SLC35A1: variants seen among roughly 807,000 people sequenced by gnomAD.
SLC35A1 encodes solute carrier family 35 member A1, also known as CMP-sialic acid transporter.
SLC35A1 carries 21 observed loss-of-function variants against 40.3 expected under a neutral mutation model. That is an observed-to-expected ratio of 0.52 (90% confidence interval 0.37 to 0.75). The LOEUF is 0.75. Ranked by LOEUF, SLC35A1 falls within the 30% of genes least tolerant of loss-of-function variation. The probability of loss-of-function intolerance (pLI) is 0.00; values close to 1 mark genes in which losing one functional copy is unlikely to be tolerated. For missense variants in SLC35A1, 297 were observed against 382.1 expected (o/e 0.78, Z 1.86); for synonymous variants, 146 against 147.3 (o/e 0.99, Z 0.06).
At chr6:87,495,716 T>C (rs1219111550) in intron 2 of SLC35A1, among the ~76,000 whole-genome samples, 1 of 151,484 alleles carries the variant, frequency 6.6e-6, no homozygotes, top group East Asian at 1.9e-4. Context: ...AGTGCAGTGG[T>C]GCGATCTTGG....
chr6:87,478,424 T>C (rs1296699406), intron 2 of SLC35A1, among the ~76,000 whole-genome samples: 1 of 152,194 alleles, frequency 6.6e-6, no homozygotes, highest in Non-Finnish European at 1.5e-5. Flanking sequence ...TGGGGACCTA[T>C]AGGAGTCATT....
chr6:87,483,690 C>T (rs1769311628), intron 2 of SLC35A1, among the ~76,000 whole-genome samples: 2 of 152,090 alleles, frequency 1.3e-5, no homozygotes, highest in Non-Finnish European at 2.9e-5. Context: ...GATGTCTTGC[C>T]TTGCCTGCTC....
At chr6:87,507,832 A>AGGCTGGTTTCG (rs1357810226) in intron 5 of SLC35A1, among the ~76,000 whole-genome samples, 4 of 115,882 alleles carry the variant, frequency 3.5e-5, no homozygotes, top group African/African-American at 2.6e-5. Context: ...CATATACACA[A>AGGCTGGTTTCG]AATTTATTAT....
chr6:87,474,306 C>G (rs897611021), intron 1 of SLC35A1, among the ~76,000 whole-genome samples: 4 of 152,190 alleles, frequency 2.6e-5, no homozygotes, highest in Admixed American at 1.3e-4. Flanking sequence ...TTATCTGGGA[C>G]TTACAGAATT....
chr6:87,480,577 C>T (rs901618127), intron 2 of SLC35A1, among the ~76,000 whole-genome samples: 11 of 152,134 alleles, frequency 7.2e-5, no homozygotes, highest in African/African-American at 2.7e-4. Flanking sequence ...AGTTTTATTT[C>T]GTAGGTTTGT....
chr6:87,487,443 C>T (rs1034309841), intron 2 of SLC35A1, among the ~76,000 whole-genome samples: 2 of 152,156 alleles, frequency 1.3e-5, no homozygotes, highest in East Asian at 1.9e-4. Flanking sequence ...TTCCTGTGAG[C>T]AACTGATCAC....
At chr6:87,493,404 T>G (rs1769616149) in intron 2 of SLC35A1, among the ~76,000 whole-genome samples, 1 of 152,222 alleles carries the variant, frequency 6.6e-6, no homozygotes, top group Non-Finnish European at 1.5e-5. Context: ...TTAGACCCTT[T>G]TAGCAGAGCT....
At chr6:87,494,069 CTTT>C (rs1168763892) in intron 2 of SLC35A1, among the ~76,000 whole-genome samples, 4 of 110,118 alleles carry the variant, frequency 3.6e-5, no homozygotes, top group African/African-American at 1.3e-4. Flanking sequence ...CTGTACCCCA[CTTT>C]CCTTTTTTTT....
rs1268706271 is a variant in SLC35A1, at chr6:87,500,599, T to A, written c.286T>A (p.Leu96Ile). The change falls in exon 3 of 8, where the codon TTA becomes ATA. Residue 96 changes from leucine to isoleucine, a missense_variant. Leu to Ile is a conservative substitution (Grantham distance 5). Coordinates refer to ENST00000369552, the MANE Select transcript of SLC35A1 (RefSeq NM_006416.5). ...ACTGTTGAAGTTAAGTGTGCCATCG[T>A]TAGTGTATGCTGTTCAGAACAACAT... ...KELLKLSVPS[L>I]VYAVQNNMAF... 1.2e-6 allele frequency: 2 copies of A among 1,614,148 alleles called. No individual in the cohort carries two copies. The highest frequency in any genetic ancestry group is 2.2e-5 in the East Asian group (1 of 44,878).
At position 87,472,989 on chromosome 6, in the gene SLC35A1, G is replaced by A; in HGVS notation, c.-15G>A. On this transcript the variant is annotated 5_prime_UTR_variant, in exon 1 of 8. Coordinates refer to ENST00000369552, the MANE Select transcript of SLC35A1 (RefSeq NM_006416.5). ...GGGGGCGGGCGTCAGTTCCGCGGGG[G>A]GCTGTCGGGGAACCATGGCTGCCCC... The A allele has an allele frequency of 1.5e-6, 1 of 667,854 alleles. No individual in the cohort carries two copies. The highest frequency in any genetic ancestry group is 2.3e-6 in the Non-Finnish European group (1 of 435,450). 41.4% of individuals were successfully genotyped at this position (667,854 alleles called of 1,614,324 possible). A position where few individuals can be genotyped will look rare whatever the true frequency, so the allele number is the denominator to read the frequency against.
At chr6:87,477,700 T>C (rs990264417) in intron 2 of SLC35A1, among the ~76,000 whole-genome samples, 161 bp downstream of exon 2, 1 of 152,334 alleles carries the variant, frequency 6.6e-6, no homozygotes, top group African/African-American at 2.4e-5. Flanking sequence ...TTGTCACAAC[T>C]TGAGAGATGC....
intron 4 of SLC35A1, among the ~76,000 whole-genome samples, chr6:87,505,550 G>A (rs921799821): frequency 3.3e-5 from 5 of 152,092 alleles, no homozygotes; most frequent in South Asian, 2.1e-4. Context: ...AACAGAATAC[G>A]CAGAGTGGGT....
chr6:87,500,067 A>G (rs1363311223), intron 2 of SLC35A1, among the ~76,000 whole-genome samples: 1 of 152,202 alleles, frequency 6.6e-6, no homozygotes, highest in Non-Finnish European at 1.5e-5. Context: ...GCGCCACTGC[A>G]CTCCAGCCGG....
intron 4 of SLC35A1, among the ~76,000 whole-genome samples, chr6:87,504,200 AG>A (rs1423310624): frequency 2.0e-5 from 3 of 151,076 alleles, no homozygotes; most frequent in African/African-American, 7.3e-5. Flanking sequence ...CTGAGGTGGG[AG>A]GATCACTTGA....
At chr6:87,504,599 T>C (rs1562026304) in intron 4 of SLC35A1, among the ~76,000 whole-genome samples, 1 of 152,248 alleles carries the variant, frequency 6.6e-6, no homozygotes, top group Non-Finnish European at 1.5e-5. Context: ...TATTCAGGAC[T>C]GGAGCACATG....
intron 1 of SLC35A1, among the ~76,000 whole-genome samples, chr6:87,476,659 A>T (rs1769079955): frequency 6.6e-6 from 1 of 151,534 alleles, no homozygotes; most frequent in Non-Finnish European, 1.5e-5. Context: ...CGGGAGGTGG[A>T]GTTTGCAGTG....
At chr6:87,486,652 T>G (rs191855979) in intron 2 of SLC35A1, among the ~76,000 whole-genome samples, 2 of 152,260 alleles carry the variant, frequency 1.3e-5, no homozygotes, top group African/African-American at 4.8e-5. Flanking sequence ...GCATTTGGAT[T>G]AAAGGGTTTC....
intron 7 of SLC35A1, among the ~76,000 whole-genome samples, chr6:87,510,214 T>C (rs1770222366): frequency 6.6e-6 from 1 of 152,204 alleles, no homozygotes; most frequent in African/African-American, 2.4e-5. Flanking sequence ...CCACTTACCA[T>C]TTCAGTATCA....
Position 87,499,636 on chromosome 6 carries a change from C to G in SLC35A1, c.195-872C>G, listed in dbSNP as rs115893769. ...CTTTTGTTGGAGTTAGTAAATTATT[C>G]AGATCTGCTACAGAATTATACAGAT... On this transcript the variant is annotated intron_variant, in intron 2 of 7. Coordinates refer to ENST00000369552, the MANE Select transcript of SLC35A1 (RefSeq NM_006416.5). 5.6e-3 allele frequency among the ~76,000 whole-genome samples: 855 copies of G among 152,220 alleles called. 11 individuals are homozygous for G. The highest frequency in any genetic ancestry group is 0.02 in the African/African-American group (826 of 41,528).
Sources: allele counts gnomAD v4.1 joint callset (sites outside exome capture counted in the v4.1 genomes callset), GRCh38; gene constraint gnomAD v4.1.1; transcripts MANE v1.5; gene names NCBI Gene and HGNC (gene_info 2026-07-23, HGNC 2026-07-21).